Variants in PDZD2 observed in about 807,000 individuals in gnomAD.
PDZD2 encodes PDZ domain containing 2.
Under a neutral mutation model 220.7 loss-of-function variants are expected in PDZD2, and 90 were observed. The observed-to-expected ratio is 0.41, with a 90% CI of 0.34 to 0.49. The LOEUF is 0.49. Among genes scored for constraint, PDZD2 ranks in the 20% least tolerant of loss-of-function variants. The pLI, the probability that PDZD2 is intolerant of heterozygous loss-of-function variation, is 0.28. For missense variants in PDZD2, 3,174 were observed against 3,608.5 expected (o/e 0.88, Z 3.08); for synonymous variants, 1,375 against 1,450.5 (o/e 0.95, Z 1.18).
chr5:31,756,446 C>T (rs1387707647), intron 1 of PDZD2, among the ~76,000 whole-genome samples: 1 of 152,220 alleles, frequency 6.6e-6, no homozygotes, highest in Non-Finnish European at 1.5e-5. Flanking sequence ...GATAGAGGAG[C>T]TTGGCAAGAC....
At chr5:31,883,023 CAAAAAAAA>C (rs781370177) in intron 2 of PDZD2, among the ~76,000 whole-genome samples, 9 of 47,950 alleles carry the variant, frequency 1.9e-4, no homozygotes, top group African/African-American at 4.5e-4. Context: ...GACTCTGTCT[CAAAAAAAA>C]AAAAAAAAAA....
chr5:31,748,209 A>G (rs1346909090), intron 1 of PDZD2: 2 of 152,134 alleles, frequency 1.3e-5, no homozygotes, highest in Non-Finnish European at 2.9e-5. Flanking sequence ...TGATCAGACA[A>G]ATAATATCCT....
At chr5:31,782,149 A>C (rs1447787185) in intron 1 of PDZD2, among the ~76,000 whole-genome samples, 1 of 152,214 alleles carries the variant, frequency 6.6e-6, no homozygotes, top group African/African-American at 2.4e-5. Context: ...CATGCAGGTC[A>C]CAGACTCTGA....
chr5:31,879,243 C>G (rs536365910), intron 2 of PDZD2, among the ~76,000 whole-genome samples: 1 of 151,754 alleles, frequency 6.6e-6, no homozygotes, highest in Non-Finnish European at 1.5e-5. Flanking sequence ...AAAAATTAGC[C>G]GGGCGTGGTG....
chr5:31,680,875 C>T (rs780351061), intron 1 of PDZD2, among the ~76,000 whole-genome samples: 1 of 152,144 alleles, frequency 6.6e-6, no homozygotes, highest in African/African-American at 2.4e-5. Context: ...TGAGAGATGC[C>T]TGCCCCACAG....
intron 1 of PDZD2, among the ~76,000 whole-genome samples, chr5:31,783,280 A>G (rs114262619): frequency 0.019 from 2,938 of 151,942 alleles, 86 homozygotes; most frequent in African/African-American, 0.064. Flanking sequence ...TTCTGGTCTT[A>G]AGACTCGTGG....
At chr5:32,026,029 G>A (rs79089611) in intron 6 of PDZD2, among the ~76,000 whole-genome samples, 4,615 of 152,238 alleles carry the variant, frequency 0.03, 225 homozygotes, top group African/African-American at 0.11. Context: ...AAAGAGCCTG[G>A]TATGTTTACT....
chr5:31,726,218 C>A (rs898646473), intron 1 of PDZD2, among the ~76,000 whole-genome samples: 3 of 152,176 alleles, frequency 2.0e-5, no homozygotes, highest in African/African-American at 7.2e-5. Context: ...CCTTTTTATG[C>A]GTACAGTAGT....
At chr5:31,669,761 T>C (rs1369683750) in intron 1 of PDZD2, among the ~76,000 whole-genome samples, 1 of 152,202 alleles carries the variant, frequency 6.6e-6, no homozygotes, top group African/African-American at 2.4e-5. Context: ...TGCTGATGCT[T>C]ACAAGAACTG....
At chr5:31,963,407 C>A (rs1290471273) in intron 2 of PDZD2, among the ~76,000 whole-genome samples, 4 of 152,200 alleles carry the variant, frequency 2.6e-5, no homozygotes. Flanking sequence ...GATAAGAAAG[C>A]AGCTTTTCTG....
At chr5:31,676,400 G>A (rs1193485508) in intron 1 of PDZD2, among the ~76,000 whole-genome samples, 1 of 152,082 alleles carries the variant, frequency 6.6e-6, no homozygotes, top group African/African-American at 2.4e-5. Context: ...AGTGACAAGT[G>A]GACGAGAGGG....
At chr5:31,958,801 A>G (rs551690123) in intron 2 of PDZD2, among the ~76,000 whole-genome samples, 1 of 151,922 alleles carries the variant, frequency 6.6e-6, no homozygotes, top group African/African-American at 2.4e-5. Context: ...TTTAAATAAC[A>G]TCTTTTGTAT....
rs995487685 is a variant in PDZD2, at chr5:31,679,907, C to G, written c.-361+40470C>G. ...AACCTAGGGTTATTAAACTCACCTT[C>G]CAAGTGTCTGTGGAATGCCTAAACT... On this transcript the variant is annotated intron_variant, in intron 1 of 24. Transcript: ENST00000438447. Among the ~76,000 whole-genome samples, 5 of 152,296 alleles carry G rather than the reference C, an allele frequency of 3.3e-5. No individual in the cohort carries two copies. In the East Asian group the frequency reaches 9.6e-4, roughly 29 times the overall value.
Position 31,639,716 on chromosome 5 carries a change from C to A in PDZD2, c.-361+279C>A, listed in dbSNP as rs893636157. On this transcript the variant is annotated intron_variant, in intron 1 of 24. Coordinates refer to ENST00000438447, the MANE Select transcript of PDZD2 (RefSeq NM_178140.4). The surrounding 1 kb of genome is among the most constrained non-coding windows in gnomAD (Gnocchi z 4.1). ...ACCGAGACAGCGGGACAACCGGAGA[C>A]GCACTGCCGGGGGTACTCAAGACAG... is the stretch of plus-strand genomic sequence containing the variant. 3.3e-5 allele frequency among the ~76,000 whole-genome samples: 5 copies of A among 152,182 alleles called. No homozygotes were observed. The highest frequency in any genetic ancestry group is 1.2e-4 in the African/African-American group (5 of 41,460).
At chr5:31,779,373 CTT>C (rs58290929) in intron 1 of PDZD2, among the ~76,000 whole-genome samples, 6 of 106,650 alleles carry the variant, frequency 5.6e-5, no homozygotes, top group African/African-American at 1.0e-4. Context: ...TTGTGAATCT[CTT>C]TTTTTTTTTT....
At position 32,098,549 on chromosome 5, in the gene PDZD2, C is replaced by G; in HGVS notation, c.8133C>G (p.Pro2711=). 1 of 1,614,132 alleles carries G rather than the reference C, an allele frequency of 6.2e-7. No homozygotes were observed. Among genetic ancestry groups the G allele is most frequent in the Non-Finnish European group, 8.5e-7 (1 of 1,179,968 alleles). Residue 2711 remains proline, a synonymous_variant, in exon 23 of 25, where the codon CCC becomes CCG. Coordinates refer to ENST00000438447, the MANE Select transcript of PDZD2 (RefSeq NM_178140.4). The surrounding 1 kb of genome is among the most constrained non-coding windows in gnomAD (Gnocchi z 4.1). ...LVVIKKGMDQ[P]RPSARQEPPT... is the part of the protein sequence containing the mutation. ...TCATCAAGAAAGGGATGGATCAGCC[C>G]AGGCCCTCTGCCCGGCAGGAGCCTC...
chr5:31,980,733 T>C (rs575748857), intron 2 of PDZD2, among the ~76,000 whole-genome samples: 1 of 152,220 alleles, frequency 6.6e-6, no homozygotes, highest in South Asian at 2.1e-4. Flanking sequence ...TATAGAAAAA[T>C]TGTGCTGAGA....
At chr5:32,007,598 G>A (rs996053688) in intron 5 of PDZD2, among the ~76,000 whole-genome samples, 1 of 152,166 alleles carries the variant, frequency 6.6e-6, no homozygotes, top group Non-Finnish European at 1.5e-5. Context: ...ATGCCAGCTT[G>A]CTAATATTCA....
intron 1 of PDZD2, among the ~76,000 whole-genome samples, chr5:31,697,324 G>A (rs1651068): frequency 0.45 from 68,748 of 151,912 alleles, 16,242 homozygotes; most frequent in East Asian, 0.62. Flanking sequence ...TTAGCCAGGC[G>A]TGGTGGCGGG....
Sources: allele counts gnomAD v4.1 joint callset (sites outside exome capture counted in the v4.1 genomes callset), GRCh38; gene constraint gnomAD v4.1.1; non-coding constraint Gnocchi (gnomAD v3.1); transcripts MANE v1.5; gene names NCBI Gene and HGNC (gene_info 2026-07-23, HGNC 2026-07-21).